NELL2: variants seen among roughly 807,000 people sequenced by gnomAD.
NELL2 encodes the protein protein kinase C-binding protein NELL2.
A neutral mutation model predicts 109.6 loss-of-function variants in NELL2; 41 were observed. That is an observed-to-expected ratio of 0.37 (90% CI 0.29 to 0.49). The LOEUF (loss-of-function observed/expected upper bound fraction) is 0.49. Ranked by LOEUF, NELL2 falls within the 20% of genes least tolerant of loss-of-function variation. NELL2 has a pLI of 0.98. For missense variants in NELL2, 900 were observed against 1,008.3 expected, an observed-to-expected ratio of 0.89 and a Z score of 1.45; for synonymous variants, 355 against 344.7, an observed-to-expected ratio of 1.03 and a Z score of -0.33.
At chr12:44,800,514 T>C (rs1326705215) in intron 3 of NELL2, among the ~76,000 whole-genome samples, 3 of 152,168 alleles carry the variant, frequency 2.0e-5, no homozygotes, top group African/African-American at 7.2e-5. Context: ...AAGAAAGTAA[T>C]ATTCCCAAAA....
At chr12:44,658,877 C>CAAAAAAAAAAAAA (rs58696965) in intron 13 of NELL2, among the ~76,000 whole-genome samples, 2 of 69,914 alleles carry the variant, frequency 2.9e-5, no homozygotes, top group Non-Finnish European at 5.9e-5. Context: ...ACTCTGTCTC[C>CAAAAAAAAAAAAA]AAAAAAAAAA....
chr12:44,742,939 A>T (rs1033922741), intron 9 of NELL2, among the ~76,000 whole-genome samples: 1 of 152,170 alleles, frequency 6.6e-6, no homozygotes, highest in Non-Finnish European at 1.5e-5. Context: ...CAGATTCAGG[A>T]AATATAGAGA....
At chr12:44,886,728 C>T (rs1201910660) in intron 1 of NELL2, among the ~76,000 whole-genome samples, 7 of 151,914 alleles carry the variant, frequency 4.6e-5, no homozygotes, top group Non-Finnish European at 1.0e-4. Flanking sequence ...TATAGTCACC[C>T]TACTGATCTA....
At chr12:44,765,522 G>A (rs1303611375) in intron 9 of NELL2, among the ~76,000 whole-genome samples, 1 of 152,198 alleles carries the variant, frequency 6.6e-6, no homozygotes, top group Admixed American at 6.5e-5. Flanking sequence ...TGAAACGGGT[G>A]TGAACAGGAG....
At chr12:44,908,722 T>G (rs1171730427) in intron 1 of NELL2, among the ~76,000 whole-genome samples, 1 of 152,020 alleles carries the variant, frequency 6.6e-6, no homozygotes, top group Admixed American at 6.6e-5. Context: ...GTAAATGAGT[T>G]GATGAAACTT....
Position 44,816,125 on chromosome 12 carries a change from T to C in NELL2, c.196A>G (p.Ser66Gly). Residue 66 changes from serine (S) to glycine (G), a missense_variant, in exon 3 of 20, where the codon AGC (serine) becomes GGC (glycine). Ser to Gly is a moderately conservative substitution (Grantham distance 56). Coordinates refer to ENST00000429094, the MANE Select transcript of NELL2 (RefSeq NM_001145108.2). The stretch of plus-strand genomic sequence containing the variant: ...GCTGTAGCAGTGGATGCTTTTATGC[T>C]TCTGGGAGTATCTAAAAAAGAAACA... ...KAFLFQDTPR[S>G]IKASTATAEQ... 1 of 1,593,386 alleles carries C rather than the reference T, an allele frequency of 6.3e-7. No individual in the cohort carries two copies.
At chr12:44,790,801 C>A (rs141184012) in intron 3 of NELL2, among the ~76,000 whole-genome samples, 2,187 of 151,508 alleles carry the variant, frequency 0.014, 50 homozygotes, top group African/African-American at 0.05. Flanking sequence ...ACATAAACTT[C>A]AAGTAAAGGC....
intron 2 of NELL2, among the ~76,000 whole-genome samples, chr12:44,866,156 C>T (rs140672554): frequency 6.6e-6 from 1 of 152,292 alleles, no homozygotes; most frequent in African/African-American, 2.4e-5. Context: ...ATGGCCCTCA[C>T]CAGACACCAA....
chr12:44,720,499 T>G (rs1429811267), intron 9 of NELL2, among the ~76,000 whole-genome samples: 1 of 152,180 alleles, frequency 6.6e-6, no homozygotes, highest in Non-Finnish European at 1.5e-5. Context: ...CGAGCACATT[T>G]GAAACATCTG....
chr12:44,714,126 G>A (rs548680691), intron 10 of NELL2, among the ~76,000 whole-genome samples: 23 of 151,970 alleles, frequency 1.5e-4, no homozygotes, highest in African/African-American at 5.5e-4. Context: ...AAATTCAAAT[G>A]AATCACATTT....
chr12:44,792,170 A>T (rs1236038164), intron 3 of NELL2, among the ~76,000 whole-genome samples: 1 of 152,172 alleles, frequency 6.6e-6, no homozygotes, highest in East Asian at 1.9e-4. Context: ...AAATTCAGAG[A>T]TTATGCTATT....
At position 44,508,720 on chromosome 12, in the gene NELL2, C is replaced by G. The variant is rs989416239; in HGVS notation, c.*214G>C. 1.8e-6 allele frequency: 1 copy of G among 561,036 alleles called. No homozygotes were observed. The highest frequency in any genetic ancestry group is 3.2e-6 in the Non-Finnish European group (1 of 308,590). The allele number at this position is 561,036 out of a possible 1,614,324, so 34.8% of individuals were successfully genotyped here. On this transcript the variant is annotated 3_prime_UTR_variant, in exon 20 of 20. Transcript: ENST00000429094. ...TTCTTCTACATGGTGATGTGAGACA[C>G]AGTAGAGGCAGACTTGAGGTCTAAT...
chr12:44,904,709 C>A (rs555273041), intron 1 of NELL2, among the ~76,000 whole-genome samples: 1 of 152,074 alleles, frequency 6.6e-6, no homozygotes, highest in South Asian at 2.1e-4. Context: ...TCCTAAAATT[C>A]CATGCATATT....
At chr12:44,589,987 C>G (rs753948677) in intron 15 of NELL2, among the ~76,000 whole-genome samples, 20 of 152,080 alleles carry the variant, frequency 1.3e-4, no homozygotes, top group Non-Finnish European at 2.6e-4. Context: ...ATTCCTTTCC[C>G]TGAGTCACAC....
intron 9 of NELL2, among the ~76,000 whole-genome samples, chr12:44,767,381 C>T (rs748223285): frequency 3.3e-5 from 5 of 152,170 alleles, no homozygotes; most frequent in Non-Finnish European, 7.3e-5. Context: ...GTGCTGTTTT[C>T]AGGCTTCCCT....
chr12:44,817,510 G>A (rs754757739), intron 2 of NELL2, among the ~76,000 whole-genome samples: 7 of 152,134 alleles, frequency 4.6e-5, no homozygotes, highest in Admixed American at 1.3e-4. Context: ...GGGGAAAGTA[G>A]CCAACAGAAT....
intron 2 of NELL2, among the ~76,000 whole-genome samples, chr12:44,843,748 G>A (rs571589754): frequency 2.6e-5 from 4 of 152,256 alleles, no homozygotes; most frequent in Non-Finnish European, 2.9e-5. Context: ...TTGGCCTGGC[G>A]TGGTGGCTCA....
At chr12:44,654,143 T>G (rs1171723318) in intron 13 of NELL2, among the ~76,000 whole-genome samples, 1 of 152,220 alleles carries the variant, frequency 6.6e-6, no homozygotes, top group East Asian at 1.9e-4. Context: ...GGCTACAAAT[T>G]GTACCATACT....
chr12:44,899,819 A>G (rs1945639171), intron 1 of NELL2, among the ~76,000 whole-genome samples: 1 of 152,198 alleles, frequency 6.6e-6, no homozygotes, highest in Non-Finnish European at 1.5e-5. Context: ...AGACTGGCAA[A>G]TTGGATAAAG....
Sources: gnomAD v4.1 joint callset for allele counts (sites outside exome capture counted in the v4.1 genomes callset) on GRCh38, gnomAD v4.1.1 for gene constraint, MANE v1.5 for transcripts, NCBI Gene and HGNC (gene_info 2026-07-23, HGNC 2026-07-21) for gene names.